IMMP2L: variants seen among roughly 807,000 people sequenced by gnomAD.
The protein encoded by IMMP2L is mitochondrial inner membrane protease subunit 2.
IMMP2L carries 18 observed loss-of-function variants against 19.3 expected under a neutral mutation model. That is an observed-to-expected ratio of 0.93 (90% CI 0.64 to 1.38). IMMP2L has a LOEUF of 1.38. Ranked by LOEUF, IMMP2L falls within the 40% of genes most tolerant of loss-of-function variation. IMMP2L has a pLI of 0.00. For missense variants in IMMP2L, 233 were observed against 218.2 expected (o/e 1.07, Z -0.43); for synonymous variants, 76 against 73.0 (o/e 1.04, Z -0.21).
chr7:111,183,791 T>C (rs1476249279), intron 3 of IMMP2L, among the ~76,000 whole-genome samples: 7 of 152,108 alleles, frequency 4.6e-5, no homozygotes, highest in Admixed American at 2.0e-4. Flanking sequence ...CAAGAAACTA[T>C]GAATCCCTGT....
chr7:110,824,023 T>C (rs1336282594), intron 5 of IMMP2L, among the ~76,000 whole-genome samples: 1 of 152,094 alleles, frequency 6.6e-6, no homozygotes, highest in East Asian at 1.9e-4. Context: ...GTCATTCACT[T>C]GGACAACCAA....
chr7:111,316,845 C>CTTTTTTT (rs869155077), intron 3 of IMMP2L, among the ~76,000 whole-genome samples: 18 of 75,896 alleles, frequency 2.4e-4, no homozygotes, highest in East Asian at 4.5e-4. Flanking sequence ...TTTTTTTTTT[C>CTTTTTTT]TTTTTTTTTT....
intron 3 of IMMP2L, among the ~76,000 whole-genome samples, chr7:111,234,061 T>A (rs1467607975): frequency 2.0e-5 from 3 of 152,102 alleles, no homozygotes; most frequent in Non-Finnish European, 4.4e-5. Context: ...CAAATGGTGC[T>A]ATAAATTTCC....
intron 5 of IMMP2L, among the ~76,000 whole-genome samples, chr7:110,732,720 C>T (rs1796348118): frequency 6.6e-6 from 1 of 151,826 alleles, no homozygotes; most frequent in Non-Finnish European, 1.5e-5. Flanking sequence ...ACTACATATG[C>T]TTCGTAAATG....
At chr7:111,318,425 G>A (rs955307682) in intron 3 of IMMP2L, among the ~76,000 whole-genome samples, 1 of 152,064 alleles carries the variant, frequency 6.6e-6, no homozygotes, top group Non-Finnish European at 1.5e-5. Flanking sequence ...ATGTCTAAAG[G>A]AAACAGCAAA....
intron 3 of IMMP2L, among the ~76,000 whole-genome samples, chr7:111,334,208 A>C (rs971610168): frequency 6.6e-6 from 1 of 151,078 alleles, no homozygotes; most frequent in Non-Finnish European, 1.5e-5. Flanking sequence ...TCCCCCCTTC[A>C]TCTCCTCCTC....
chr7:111,041,405 CTTT>C (rs1266883652), intron 3 of IMMP2L, among the ~76,000 whole-genome samples: 2 of 151,988 alleles, frequency 1.3e-5, no homozygotes, highest in African/African-American at 4.8e-5. Flanking sequence ...ATTCTATCTT[CTTT>C]ATTATAAATA....
Position 111,409,264 on chromosome 7 carries a change from G to A in IMMP2L, c.239+77974C>T, listed in dbSNP as rs552349105. ...ACCCTTAATTCTCTTAAAATTTAAC[G>A]TCCACCTAGAAAGCAATGCATCAGT... On this transcript the variant is annotated intron_variant, in intron 3 of 5. Coordinates refer to ENST00000405709, the MANE Select transcript of IMMP2L (RefSeq NM_032549.4). Among the ~76,000 whole-genome samples the A allele has an allele frequency of 6.0e-5, 9 of 151,008 alleles. No homozygotes were observed. In the East Asian group the frequency reaches 7.8e-4, roughly 13 times the overall value.
chr7:111,332,552 A>G (rs1825982079), intron 3 of IMMP2L, among the ~76,000 whole-genome samples: 1 of 152,008 alleles, frequency 6.6e-6, no homozygotes. Flanking sequence ...AAGAGATGCC[A>G]GAAGTCCCAA....
chr7:111,020,971 C>A (rs554342335), intron 3 of IMMP2L, among the ~76,000 whole-genome samples: 1 of 152,130 alleles, frequency 6.6e-6, no homozygotes, highest in Non-Finnish European at 1.5e-5. Flanking sequence ...TCATTTTTAA[C>A]AAAATATAAC....
intron 3 of IMMP2L, among the ~76,000 whole-genome samples, chr7:111,271,045 T>C (rs1818407070): frequency 6.6e-6 from 1 of 152,186 alleles, no homozygotes. Flanking sequence ...CCACATGCCA[T>C]GGGAGGGACC....
intron 4 of IMMP2L, among the ~76,000 whole-genome samples, chr7:110,905,417 G>A (rs1366366338): frequency 6.6e-6 from 1 of 151,966 alleles, no homozygotes; most frequent in Non-Finnish European, 1.5e-5. Flanking sequence ...TAAAAAGGAT[G>A]AATACACTCA....
chr7:110,979,084 ATGAT>A (rs1820987586), intron 3 of IMMP2L, among the ~76,000 whole-genome samples: 1 of 152,126 alleles, frequency 6.6e-6, no homozygotes, highest in Non-Finnish European at 1.5e-5. Context: ...AGAGATGATC[ATGAT>A]TTGGACCAAC....
At chr7:111,279,954 G>T (rs1379777607) in intron 3 of IMMP2L, among the ~76,000 whole-genome samples, 1 of 152,094 alleles carries the variant, frequency 6.6e-6, no homozygotes, top group East Asian at 1.9e-4. Context: ...ACCCACTAGT[G>T]TCAACCTTCT....
chr7:111,444,114 G>C (rs925609244), intron 3 of IMMP2L, among the ~76,000 whole-genome samples: 7 of 151,986 alleles, frequency 4.6e-5, no homozygotes, highest in African/African-American at 1.4e-4. Context: ...AGAGAAATAA[G>C]GTTGTTACTT....
intron 3 of IMMP2L, among the ~76,000 whole-genome samples, chr7:111,117,366 G>T (rs1800013710): frequency 6.6e-6 from 1 of 152,064 alleles, no homozygotes; most frequent in African/African-American, 2.4e-5. Context: ...TGAGGTACAA[G>T]AAAGTGAGGT....
At chr7:111,482,073 T>C (rs546197843) in intron 3 of IMMP2L, among the ~76,000 whole-genome samples, 13 of 152,260 alleles carry the variant, frequency 8.5e-5, no homozygotes, top group African/African-American at 3.1e-4. Flanking sequence ...AGGTAGCATT[T>C]TAGTAATATA....
At chr7:110,961,406 G>A (rs73201005) in intron 4 of IMMP2L, among the ~76,000 whole-genome samples, 5,584 of 148,282 alleles carry the variant, frequency 0.038, 151 homozygotes, top group Non-Finnish European at 0.058. Context: ...CATTGTTTAG[G>A]GAATAATGAC....
intron 5 of IMMP2L, among the ~76,000 whole-genome samples, chr7:110,734,222 T>C (rs1796466511): frequency 6.6e-6 from 1 of 152,098 alleles, no homozygotes; most frequent in Admixed American, 6.5e-5. Context: ...TTCTTAGAGA[T>C]TATCTAAGTG....
Sources: allele counts gnomAD v4.1 joint callset (sites outside exome capture counted in the v4.1 genomes callset), GRCh38; gene constraint gnomAD v4.1.1; transcripts MANE v1.5; gene names NCBI Gene and HGNC (gene_info 2026-07-23, HGNC 2026-07-21).